The following RGS6 variants were observed in gnomAD, a reference collection of about 807,000 sequenced individuals.
The protein encoded by RGS6 is regulator of G-protein signaling 6.
RGS6 carries 30 observed loss-of-function variants against 78.5 expected under a neutral mutation model. The observed-to-expected ratio is 0.38, with a 90% CI of 0.29 to 0.52. The LOEUF is 0.52. Ranked by LOEUF, RGS6 falls within the 20% of genes least tolerant of loss-of-function variation. The probability of loss-of-function intolerance (pLI) is 0.85; values close to 1 mark genes in which losing one functional copy is unlikely to be tolerated. For synonymous variants in RGS6, 206 were observed against 206.0 expected, an observed-to-expected ratio of 1.00 and a Z score of 0.00; for missense variants, 495 against 609.7, an observed-to-expected ratio of 0.81 and a Z score of 1.98.
intron 15 of RGS6, among the ~76,000 whole-genome samples, chr14:72,520,608 GGTATTAACT>G (rs2097024072): frequency 6.6e-6 from 1 of 152,120 alleles, no homozygotes; most frequent in Non-Finnish European, 1.5e-5. Context: ...CCACCACTAT[GGTATTAACT>G]AGCAGTACAA....
At chr14:72,625,119 T>A in the RGS6 span, among the ~76,000 whole-genome samples, 3 of 152,176 alleles carry the variant, frequency 2.0e-5, no homozygotes, top group African/African-American at 7.2e-5. Context: ...CTACTTCTCA[T>A]CATACTTTTG....
intron 2 of RGS6, among the ~76,000 whole-genome samples, chr14:72,228,565 C>T (rs1376365831): frequency 6.6e-6 from 1 of 152,014 alleles, no homozygotes; most frequent in African/African-American, 2.4e-5. Flanking sequence ...AGGTCAGAGG[C>T]AGGGAAATCA....
Position 72,085,853 on chromosome 14 carries a change from CAAAAAAAAAA to C in RGS6, c.84+120992_84+121001del, listed in dbSNP as rs35951230. Among the ~76,000 whole-genome samples, 10 of 72,750 alleles carry C rather than the reference CAAAAAAAAAA, an allele frequency of 1.4e-4. No individual in the cohort carries two copies. The South Asian group carries it at 4.6e-3, about 34-fold the overall frequency. The allele number at this position is 72,750 out of a possible 152,430, so 47.7% of individuals were successfully genotyped here. On this transcript the variant is annotated intron_variant, in intron 2 of 17. Coordinates refer to ENST00000553525, the MANE Select transcript of RGS6 (RefSeq NM_001204424.2). ...AGGGAGACAGAGTGAGACACCATCT[CAAAAAAAAAA>C]AAAAAAAAAAAAAGCCATCAGAGGA...
At chr14:71,981,455 T>A (rs2094447347) in intron 2 of RGS6, among the ~76,000 whole-genome samples, 1 of 152,168 alleles carries the variant, frequency 6.6e-6, no homozygotes, top group Non-Finnish European at 1.5e-5. Context: ...GTGTCCTTTC[T>A]GTTTGTTAGT....
chr14:72,129,767 G>C (rs1405546328), intron 2 of RGS6, among the ~76,000 whole-genome samples: 1 of 152,184 alleles, frequency 6.6e-6, no homozygotes, highest in Non-Finnish European at 1.5e-5. Context: ...CAAAGGCTAA[G>C]ACCTGGAACT....
At chr14:72,155,352 A>G (rs2096755260) in intron 2 of RGS6, among the ~76,000 whole-genome samples, 1 of 152,170 alleles carries the variant, frequency 6.6e-6, no homozygotes, top group Non-Finnish European at 1.5e-5. Flanking sequence ...ATTCCTGAGT[A>G]CCCTGAGGGC....
chr14:72,497,178 A>AAGTG (rs2096656372), intron 13 of RGS6, among the ~76,000 whole-genome samples: 1 of 152,198 alleles, frequency 6.6e-6, no homozygotes, highest in Non-Finnish European at 1.5e-5. Context: ...CTTGAGCAAA[A>AAGTG]CTGTAACACA....
chr14:72,315,065 C>A (rs919628581), intron 2 of RGS6, among the ~76,000 whole-genome samples: 1 of 152,120 alleles, frequency 6.6e-6, no homozygotes, highest in Admixed American at 6.5e-5. Context: ...AAACTATTTA[C>A]GTATGAAGAT....
intron 2 of RGS6, among the ~76,000 whole-genome samples, chr14:72,015,768 A>G (rs1176967294): frequency 1.3e-5 from 2 of 152,192 alleles, no homozygotes; most frequent in African/African-American, 4.8e-5. Flanking sequence ...TCCGATTGGC[A>G]CAGAATTGTA....
chr14:72,101,428 C>T (rs1384653646), intron 2 of RGS6, among the ~76,000 whole-genome samples: 1 of 152,164 alleles, frequency 6.6e-6, no homozygotes, highest in Non-Finnish European at 1.5e-5. Flanking sequence ...AATAGGTGCT[C>T]AATAGATAGT....
intron 2 of RGS6, among the ~76,000 whole-genome samples, chr14:72,171,183 A>AT (rs1184580132): frequency 2.0e-5 from 3 of 152,118 alleles, no homozygotes; most frequent in Non-Finnish European, 1.5e-5. Context: ...AGGAAAAAAA[A>AT]GCTGAAGGGA....
intron 2 of RGS6, among the ~76,000 whole-genome samples, chr14:72,317,723 A>T (rs699366): frequency 0.3 from 45,721 of 152,020 alleles, 7,228 homozygotes; most frequent in African/African-American, 0.4. Flanking sequence ...GGAGCATCTT[A>T]AATTTTAAGA....
chr14:72,582,890 G>A, the RGS6 span, among the ~76,000 whole-genome samples: 2 of 151,534 alleles, frequency 1.3e-5, no homozygotes, highest in African/African-American at 4.8e-5. Context: ...TTATTTCTGG[G>A]TATGTCTGTG....
chr14:71,893,833 C>T, the RGS6 span, among the ~76,000 whole-genome samples: 2 of 152,054 alleles, frequency 1.3e-5, no homozygotes, highest in African/African-American at 2.4e-5. Flanking sequence ...ACAATTTGTG[C>T]GCAGTTGGCT....
intron 3 of RGS6, among the ~76,000 whole-genome samples, chr14:72,411,046 A>G (rs1352775762): frequency 6.6e-6 from 1 of 152,182 alleles, no homozygotes; most frequent in Non-Finnish European, 1.5e-5. Flanking sequence ...TGACTTGGTA[A>G]TGCGGGCTCT....
chr14:72,555,792 T>C (rs763892430), intron 17 of RGS6, among the ~76,000 whole-genome samples: 7 of 152,244 alleles, frequency 4.6e-5, no homozygotes, highest in Non-Finnish European at 8.8e-5. Context: ...CATAAGTAAG[T>C]GCGGGTGCTT....
chr14:71,886,232 T>C, the RGS6 span, among the ~76,000 whole-genome samples: 1 of 152,222 alleles, frequency 6.6e-6, no homozygotes, highest in African/African-American at 2.4e-5. Context: ...CCAGGTAAAG[T>C]AGCTTCATCC....
chr14:72,272,517 T>G (rs922812279), intron 2 of RGS6, among the ~76,000 whole-genome samples: 7 of 152,192 alleles, frequency 4.6e-5, no homozygotes, highest in Non-Finnish European at 8.8e-5. Context: ...CTACAGGGAA[T>G]GTACTGGAAA....
At chr14:72,045,076 G>A (rs1016396631) in intron 2 of RGS6, among the ~76,000 whole-genome samples, 1 of 152,160 alleles carries the variant, frequency 6.6e-6, no homozygotes, top group African/African-American at 2.4e-5. Context: ...TCTCCAGCTT[G>A]CAGATGGCGT....
Sources: gnomAD v4.1 joint callset for allele counts (sites outside exome capture counted in the v4.1 genomes callset) on GRCh38, gnomAD v4.1.1 for gene constraint, MANE v1.5 for transcripts, NCBI Gene and HGNC (gene_info 2026-07-23, HGNC 2026-07-21) for gene names.